The following UBE3C variants were observed in gnomAD, a reference collection of about 807,000 sequenced individuals.
UBE3C encodes the protein ubiquitin-protein ligase E3C.
In UBE3C, 42 loss-of-function variants were observed where a neutral mutation model predicts 129.4. That is an observed-to-expected ratio of 0.32 (90% CI 0.25 to 0.42). UBE3C has a LOEUF of 0.42. Ranked by LOEUF, UBE3C falls within the 10% of genes least tolerant of loss-of-function variation. The probability of loss-of-function intolerance (pLI) is 1.00; values close to 1 mark genes in which losing one functional copy is unlikely to be tolerated. For missense variants in UBE3C, 1,049 were observed against 1,319.1 expected, an observed-to-expected ratio of 0.80 and a Z score of 3.17; for synonymous variants, 510 against 492.4, an observed-to-expected ratio of 1.04 and a Z score of -0.47.
At chr7:157,209,536 A>C (rs1041013053) in intron 13 of UBE3C, among the ~76,000 whole-genome samples, 1 of 152,230 alleles carries the variant, frequency 6.6e-6, no homozygotes, top group Non-Finnish European at 1.5e-5. Flanking sequence ...TAATTCTTAC[A>C]TAAGCTTTTC....
chr7:157,235,291 A>C (rs1197832966), intron 18 of UBE3C, among the ~76,000 whole-genome samples: 1 of 152,230 alleles, frequency 6.6e-6, no homozygotes, highest in Non-Finnish European at 1.5e-5. Flanking sequence ...ATATATGTGA[A>C]AATAAAGGTG....
chr7:157,263,260 T>TCCCAGGCACCTGTCGTAACGCCACCTTC (rs1796968916), intron 22 of UBE3C: 1 of 119,382 alleles, frequency 8.4e-6, no homozygotes, highest in Non-Finnish European at 1.8e-5. Flanking sequence ...AACGCCACCT[T>TCCCAGGCACCTGTCGTAACGCCACCTTC]CCCAGGCACC....
chr7:157,192,829 G>C (rs1809009513), intron 10 of UBE3C: 5 of 1,136,680 alleles, frequency 4.4e-6, no homozygotes, highest in Non-Finnish European at 6.6e-6. Context: ...CAGAAGACAA[G>C]TAACTGCGTA....
intron 11 of UBE3C, among the ~76,000 whole-genome samples, chr7:157,202,674 A>G (rs1263265549): frequency 6.6e-6 from 1 of 152,168 alleles, no homozygotes; most frequent in Non-Finnish European, 1.5e-5. Flanking sequence ...GAAAAAAAGA[A>G]GTCTATGCCA....
intron 13 of UBE3C, among the ~76,000 whole-genome samples, chr7:157,216,405 A>C (rs1047845399): frequency 2.0e-5 from 3 of 151,288 alleles, no homozygotes; most frequent in African/African-American, 4.9e-5. Flanking sequence ...GTTTTGTTAC[A>C]TAGATAAACA....
intron 1 of UBE3C, 26 bp downstream of exon 1, chr7:157,139,364 C>T: frequency 1.9e-6 from 3 of 1,553,634 alleles, no homozygotes; most frequent in South Asian, 1.2e-5. Flanking sequence ...GCGGGGCGCC[C>T]TCGGCTCGGG....
intron 17 of UBE3C, among the ~76,000 whole-genome samples, chr7:157,227,503 C>T (rs892267589): frequency 6.6e-6 from 1 of 151,988 alleles, no homozygotes; most frequent in African/African-American, 2.4e-5. Context: ...TCGAGACCAG[C>T]CTGGCCAGCA....
At chr7:157,164,390 A>G (rs1351603670) in intron 2 of UBE3C, 1 of 456,660 alleles carries the variant, frequency 2.2e-6, no homozygotes. Flanking sequence ...CTATGGCCTC[A>G]TGCAATCGCC....
At chr7:157,172,098 T>C (rs1305534406) in intron 4 of UBE3C, among the ~76,000 whole-genome samples, 1 of 151,474 alleles carries the variant, frequency 6.6e-6, no homozygotes, top group Non-Finnish European at 1.5e-5. Context: ...AGTGGTGCGA[T>C]CTCAGCTCAC....
In UBE3C at chr7:157,139,930, G is replaced by T. The variant is rs549914107; in HGVS notation, c.66+592G>T. 49 of 924,240 alleles carry T rather than the reference G, an allele frequency of 5.3e-5. 1 individual carries two copies. The South Asian group carries it at 2.1e-3, about 39-fold the overall frequency. 57.3% of individuals were successfully genotyped at this position (924,240 alleles called of 1,614,324 possible). On this transcript the variant is annotated intron_variant, in intron 1 of 22. Transcript: ENST00000348165. ...ATAGCCACGTGTTTGAATCCAAGAC[G>T]AGGGCAATTATTTGCCACCAGCCTC... is the stretch of plus-strand genomic sequence containing the variant.
chr7:157,214,708 A>G (rs941734514), intron 13 of UBE3C, among the ~76,000 whole-genome samples: 3 of 152,214 alleles, frequency 2.0e-5, no homozygotes, highest in South Asian at 2.1e-4. Context: ...CTCTGTGTGG[A>G]CTACCTGAAT....
chr7:157,256,390 G>T (rs1796751871), intron 21 of UBE3C, among the ~76,000 whole-genome samples: 1 of 152,046 alleles, frequency 6.6e-6, no homozygotes, highest in Non-Finnish European at 1.5e-5. Context: ...TGATCCGCCA[G>T]CCCGGGCCTC....
intron 18 of UBE3C, among the ~76,000 whole-genome samples, chr7:157,247,782 A>G (rs1796517595): frequency 1.3e-5 from 2 of 152,116 alleles, no homozygotes. Flanking sequence ...ACTCATTGAC[A>G]CATTGTCCAT....
intron 8 of UBE3C, 132 bp from the exon 9 acceptor site, chr7:157,183,744 AAC>A: frequency 4.4e-6 from 5 of 1,125,326 alleles, no homozygotes; most frequent in Non-Finnish European, 6.3e-6. Context: ...TTCCTATTAT[AAC>A]ACAGTTAGAA....
chr7:157,139,861 G>A (rs993232483), intron 1 of UBE3C: 2 of 379,688 alleles, frequency 5.3e-6, no homozygotes, highest in African/African-American at 4.4e-5. Context: ...GCACGCATTT[G>A]CTGATGTCGA....
chr7:157,247,521 G>A (rs1035503039), intron 18 of UBE3C, among the ~76,000 whole-genome samples: 4 of 152,122 alleles, frequency 2.6e-5, no homozygotes, highest in Admixed American at 6.5e-5. Context: ...GCAAAACCCC[G>A]TCTCTACTAA....
rs6962804 is a variant in UBE3C, at chr7:157,231,559, C to G, written c.2481+232C>G. On this transcript the variant is annotated intron_variant, in intron 18 of 22. Coordinates refer to ENST00000348165, the MANE Select transcript of UBE3C (RefSeq NM_014671.3). Reference sequence around the variant, plus strand: ...ACTTGATCCCCAGTGTGCCAGTATTCAGAGGTGGAATCTTTAAGAGGTGAT... The same window carrying G: ...ACTTGATCCCCAGTGTGCCAGTATTGAGAGGTGGAATCTTTAAGAGGTGAT... 5.9e-3 allele frequency: 3,209 copies of G among 544,496 alleles called. 72 individuals are homozygous for G. Among genetic ancestry groups the G allele is most frequent in the African/African-American group, 0.052 (2,728 of 52,508 alleles). The allele number at this position is 544,496 out of a possible 1,614,324, so 33.7% of individuals were successfully genotyped here.
chr7:157,169,929 C>T (rs1205726051), intron 3 of UBE3C, among the ~76,000 whole-genome samples: 1 of 152,096 alleles, frequency 6.6e-6, no homozygotes, highest in African/African-American at 2.4e-5. Flanking sequence ...GGTGATCCAC[C>T]CACCTCGGCC....
At chr7:157,260,478 G>A (rs1796873885) in intron 22 of UBE3C, among the ~76,000 whole-genome samples, 1 of 152,202 alleles carries the variant, frequency 6.6e-6, no homozygotes, top group African/African-American at 2.4e-5. Context: ...GCTGGGTGCT[G>A]CCTGTGTGGT....
Sources: allele counts gnomAD v4.1 joint callset (sites outside exome capture counted in the v4.1 genomes callset), GRCh38; gene constraint gnomAD v4.1.1; transcripts MANE v1.5; gene names NCBI Gene and HGNC (gene_info 2026-07-23, HGNC 2026-07-21).